Variants in CRB1 observed in about 807,000 individuals in gnomAD.
The protein encoded by CRB1 is crumbs cell polarity complex component 1, also known as protein crumbs homolog 1.
Under a neutral mutation model 120.0 loss-of-function variants are expected in CRB1, and 83 were observed. That is an observed-to-expected ratio of 0.69 (90% CI 0.58 to 0.83). The LOEUF (loss-of-function observed/expected upper bound fraction) is 0.83. CRB1 is among the 40% of genes least tolerant of loss of function. The pLI is 0.00. For missense variants in CRB1, 1,699 were observed against 1,687.6 expected (o/e 1.01, Z -0.12); for synonymous variants, 625 against 612.5 (o/e 1.02, Z -0.30).
intron 2 of CRB1, among the ~76,000 whole-genome samples, chr1:197,336,665 T>C (rs979739479): frequency 3.3e-5 from 5 of 152,184 alleles, no homozygotes; most frequent in East Asian, 1.9e-4. Flanking sequence ...CAAATACTTA[T>C]ATTTGCAATG....
intron 1 of CRB1, among the ~76,000 whole-genome samples, chr1:197,311,339 A>G (rs1331804727): frequency 6.6e-6 from 1 of 152,232 alleles, no homozygotes; most frequent in Non-Finnish European, 1.5e-5. Context: ...TTAAAAGTCA[A>G]ACCCATGGAA....
intron 11 of CRB1, among the ~76,000 whole-genome samples, chr1:197,475,213 G>T (rs922547101): frequency 6.6e-6 from 1 of 152,156 alleles, no homozygotes; most frequent in African/African-American, 2.4e-5. Flanking sequence ...CTATATTCTT[G>T]AATGTCTCCA....
intron 5 of CRB1, among the ~76,000 whole-genome samples, chr1:197,358,334 G>T (rs77427523): frequency 0.029 from 4,420 of 152,176 alleles, 209 homozygotes; most frequent in African/African-American, 0.098. Context: ...TTAAATATTG[G>T]TTTTAGGGTC....
At chr1:197,252,590 G>A in the CRB1 span, among the ~76,000 whole-genome samples, 1,681 of 72,602 alleles carry the variant, frequency 0.023, 16 homozygotes, top group Non-Finnish European at 0.035. Flanking sequence ...ATATGTGTGT[G>A]TGTGTGTGTG....
intron 1 of CRB1, among the ~76,000 whole-genome samples, chr1:197,315,890 A>G (rs1255316945): frequency 2.6e-5 from 4 of 152,234 alleles, no homozygotes; most frequent in African/African-American, 7.2e-5. Flanking sequence ...AGATATAACA[A>G]TTGCTTCTTA....
At chr1:197,469,444 G>C (rs1666887433) in intron 11 of CRB1, among the ~76,000 whole-genome samples, 1 of 152,106 alleles carries the variant, frequency 6.6e-6, no homozygotes, top group African/African-American at 2.4e-5. Context: ...GGAATGCAGA[G>C]AGAGAAATTA....
chr1:197,422,067 AG>A, intron 6 of CRB1, 111 bp downstream of exon 6: 5 of 977,218 alleles, frequency 5.1e-6, no homozygotes, highest in Non-Finnish European at 7.8e-6. Context: ...TGACCCCACA[AG>A]ACTTCTGCTG....
intron 11 of CRB1, among the ~76,000 whole-genome samples, chr1:197,452,536 T>G (rs948754143): frequency 6.6e-6 from 1 of 152,178 alleles, no homozygotes; most frequent in African/African-American, 2.4e-5. Context: ...TACATATCAA[T>G]TTTAGTAATA....
At chr1:197,420,018 TA>T (rs1396199175) in intron 5 of CRB1, among the ~76,000 whole-genome samples, 4 of 150,158 alleles carry the variant, frequency 2.7e-5, no homozygotes, top group African/African-American at 9.7e-5. Context: ...AAAAACTAGT[TA>T]ATGTAGGGTC....
chr1:197,413,933 C>T (rs1157471342), intron 5 of CRB1: 1 of 456,596 alleles, frequency 2.2e-6, no homozygotes, highest in Non-Finnish European at 4.4e-6. Flanking sequence ...ATGGATACCT[C>T]TTTTTTAACA....
chr1:197,338,923 T>G (rs997362424), intron 2 of CRB1, among the ~76,000 whole-genome samples: 8 of 152,228 alleles, frequency 5.3e-5, no homozygotes, highest in Non-Finnish European at 1.0e-4. Flanking sequence ...AAGGCACTGC[T>G]GATTGTAAAG....
intron 11 of CRB1, among the ~76,000 whole-genome samples, chr1:197,458,457 G>C (rs1558155726): frequency 6.6e-6 from 1 of 151,954 alleles, no homozygotes; most frequent in Non-Finnish European, 1.5e-5. Flanking sequence ...GGTTTATGCT[G>C]TCCACTCCCA....
chr1:197,431,316 A>G (rs2125492562), intron 8 of CRB1, among the ~76,000 whole-genome samples: 1 of 152,278 alleles, frequency 6.6e-6, no homozygotes, highest in East Asian at 1.9e-4. Flanking sequence ...AAAAACGTAT[A>G]TACTTTTATG....
chr1:197,461,775 G>A (rs1430144551), intron 11 of CRB1, among the ~76,000 whole-genome samples: 1 of 152,106 alleles, frequency 6.6e-6, no homozygotes, highest in Non-Finnish European at 1.5e-5. Flanking sequence ...AATCCAAGTC[G>A]CACCTGGATA....
chr1:197,369,581 A>G (rs1270206832), intron 5 of CRB1, among the ~76,000 whole-genome samples: 1 of 152,206 alleles, frequency 6.6e-6, no homozygotes, highest in African/African-American at 2.4e-5. Flanking sequence ...TAATTTCTGA[A>G]GAAGCTATAA....
chr1:197,245,037 T>A, the CRB1 span, among the ~76,000 whole-genome samples: 1 of 152,106 alleles, frequency 6.6e-6, no homozygotes, highest in Non-Finnish European at 1.5e-5. Flanking sequence ...TTGGTTCTTT[T>A]GTATACTTCT....
the CRB1 span, among the ~76,000 whole-genome samples, chr1:197,209,823 A>C: frequency 6.6e-6 from 1 of 152,160 alleles, no homozygotes; most frequent in African/African-American, 2.4e-5. Flanking sequence ...GGTAAGTCCA[A>C]ATCCTTCCCC....
chr1:197,205,461 A>T, the CRB1 span, among the ~76,000 whole-genome samples: 8 of 152,226 alleles, frequency 5.3e-5, no homozygotes, highest in African/African-American at 1.7e-4. Context: ...TCATAAAGGG[A>T]TGCTGGATTT....
chr1:197,455,590 A>T (rs1169366378), intron 11 of CRB1, among the ~76,000 whole-genome samples: 1 of 152,014 alleles, frequency 6.6e-6, no homozygotes, highest in African/African-American at 2.4e-5. Flanking sequence ...TCATTGCTAA[A>T]TTTTTTCTTG....
Sources: gnomAD v4.1 joint callset for allele counts (sites outside exome capture counted in the v4.1 genomes callset) on GRCh38, gnomAD v4.1.1 for gene constraint, MANE v1.5 for transcripts, NCBI Gene and HGNC (gene_info 2026-07-23, HGNC 2026-07-21) for gene names.